Variants in OSBPL10 observed in about 807,000 individuals in gnomAD.
OSBPL10 encodes oxysterol-binding protein-related protein 10.
A neutral mutation model predicts 81.7 loss-of-function variants in OSBPL10; 49 were observed. That is an observed-to-expected ratio of 0.60 (90% CI 0.48 to 0.76). The LOEUF is 0.76. Ranked by LOEUF, OSBPL10 falls within the 30% of genes least tolerant of loss-of-function variation. The pLI is 0.00. For synonymous variants in OSBPL10, 419 were observed against 383.6 expected (o/e 1.09, Z -1.08); for missense variants, 923 against 987.8 (o/e 0.93, Z 0.88).
At chr3:32,039,289 G>A (rs543989894) in intron 2 of OSBPL10, among the ~76,000 whole-genome samples, 125 of 151,384 alleles carry the variant, frequency 8.3e-4, no homozygotes, top group African/African-American at 2.9e-3. Context: ...CCATGCCACT[G>A]CACTCCAGCC....
intron 4 of OSBPL10, among the ~76,000 whole-genome samples, chr3:31,819,393 T>G (rs1028797872): frequency 6.6e-6 from 1 of 152,222 alleles, no homozygotes; most frequent in Non-Finnish European, 1.5e-5. Flanking sequence ...AGTTGTGATA[T>G]TTCCACTTTA....
Position 31,662,063 on chromosome 3 carries a change from T to C in OSBPL10, c.*9A>G. ...GGGCTATACTGGAAAGCTCTGCACC[T>C]CCACCCCATCAGTGTGCTTTCCAGA... On this transcript the variant is annotated 3_prime_UTR_variant, in exon 12 of 12. Transcript: ENST00000396556. 1 of 1,613,728 alleles carries C rather than the reference T, an allele frequency of 6.2e-7. No homozygotes were observed. Among genetic ancestry groups the C allele is most frequent in the Non-Finnish European group, 8.5e-7 (1 of 1,179,850 alleles).
At chr3:31,858,306 T>G (rs1194946329) in intron 3 of OSBPL10, among the ~76,000 whole-genome samples, 1 of 152,136 alleles carries the variant, frequency 6.6e-6, no homozygotes, top group Non-Finnish European at 1.5e-5. Context: ...CAGCCCCCTA[T>G]GTTTTTTAAC....
chr3:31,810,382 A>G (rs1174287704), intron 4 of OSBPL10, among the ~76,000 whole-genome samples: 3 of 152,196 alleles, frequency 2.0e-5, no homozygotes, highest in Non-Finnish European at 4.4e-5. Flanking sequence ...CCATACCATT[A>G]CTTGAAAACA....
At chr3:31,673,444 T>A (rs1206115377) in intron 8 of OSBPL10, among the ~76,000 whole-genome samples, 1 of 152,172 alleles carries the variant, frequency 6.6e-6, no homozygotes, top group Non-Finnish European at 1.5e-5. Context: ...TCACCTCAAA[T>A]ATCCCTCTCT....
chr3:31,880,440 T>C (rs543121858), intron 1 of OSBPL10, among the ~76,000 whole-genome samples: 2 of 151,856 alleles, frequency 1.3e-5, no homozygotes, highest in South Asian at 4.1e-4. Flanking sequence ...TCTACATCCA[T>C]GGTAAAAGAA....
intron 11 of OSBPL10, 156 bp from the exon 12 acceptor site, chr3:31,662,272 G>A (rs1700088688): frequency 3.6e-6 from 5 of 1,407,238 alleles, no homozygotes; most frequent in Non-Finnish European, 4.6e-6. Flanking sequence ...CAGCCCAGCT[G>A]CTCTTTGGAG....
At chr3:32,036,045 C>T (rs1421753203) in intron 2 of OSBPL10, among the ~76,000 whole-genome samples, 1 of 152,100 alleles carries the variant, frequency 6.6e-6, no homozygotes, top group Non-Finnish European at 1.5e-5. Flanking sequence ...TATATTTTAT[C>T]ACAATTTAAA....
chr3:31,854,364 C>T (rs1452202578), intron 3 of OSBPL10, among the ~76,000 whole-genome samples: 3 of 152,128 alleles, frequency 2.0e-5, no homozygotes, highest in Admixed American at 1.3e-4. Flanking sequence ...GCCATTGGCC[C>T]ATAATGCCTC....
At chr3:31,860,510 G>C (rs1701031449) in intron 3 of OSBPL10, among the ~76,000 whole-genome samples, 1 of 152,108 alleles carries the variant, frequency 6.6e-6, no homozygotes, top group Admixed American at 6.6e-5. Context: ...GATAAGAGGG[G>C]ACTGAACGAC....
intron 4 of OSBPL10, among the ~76,000 whole-genome samples, chr3:31,770,653 G>A (rs1698354172): frequency 6.6e-6 from 1 of 152,162 alleles, no homozygotes; most frequent in African/African-American, 2.4e-5. Flanking sequence ...GGGCATGGAG[G>A]TGCATGCCTG....
At chr3:32,019,620 A>G (rs1245910960) in intron 2 of OSBPL10, among the ~76,000 whole-genome samples, 1 of 152,240 alleles carries the variant, frequency 6.6e-6, no homozygotes, top group Non-Finnish European at 1.5e-5. Context: ...TTCAACATCC[A>G]CAGACTAGTT....
chr3:31,900,208 T>C (rs1575606054), intron 1 of OSBPL10, among the ~76,000 whole-genome samples: 1 of 98,422 alleles, frequency 1.0e-5, no homozygotes, highest in Non-Finnish European at 2.5e-5. Flanking sequence ...GGGTTTTGTT[T>C]TTTTGTTTTT....
intron 4 of OSBPL10, among the ~76,000 whole-genome samples, chr3:31,763,684 A>C (rs1698124610): frequency 6.6e-6 from 1 of 152,230 alleles, no homozygotes; most frequent in Non-Finnish European, 1.5e-5. Flanking sequence ...AGCAGGCAAG[A>C]ACATGACTAC....
At chr3:31,752,799 C>G (rs1384417810) in intron 4 of OSBPL10, among the ~76,000 whole-genome samples, 1 of 152,184 alleles carries the variant, frequency 6.6e-6, no homozygotes, top group African/African-American at 2.4e-5. Flanking sequence ...TTCAGAGGCA[C>G]CTGCAAAGTC....
chr3:31,861,891 G>A (rs553983977), intron 3 of OSBPL10, among the ~76,000 whole-genome samples: 4 of 152,246 alleles, frequency 2.6e-5, no homozygotes, highest in African/African-American at 9.6e-5. Flanking sequence ...CTTGAGAGGG[G>A]CAGCTGGAAG....
At chr3:31,804,240 T>G (rs1328998452) in intron 4 of OSBPL10, among the ~76,000 whole-genome samples, 2 of 152,192 alleles carry the variant, frequency 1.3e-5, no homozygotes, top group African/African-American at 4.8e-5. Context: ...ACGAATCATG[T>G]ATATTTATGT....
chr3:32,027,361 A>T (rs1699426740), intron 2 of OSBPL10, among the ~76,000 whole-genome samples: 1 of 152,232 alleles, frequency 6.6e-6, no homozygotes, highest in South Asian at 2.1e-4. Context: ...GGGTCAGAAG[A>T]TGCAGATCAA....
chr3:31,812,761 A>AGAAAGAAAGAAG, intron 4 of OSBPL10, among the ~76,000 whole-genome samples: 1 of 45,342 alleles, frequency 2.2e-5, no homozygotes, highest in Non-Finnish European at 3.9e-5. Context: ...AAAGAAAGAA[A>AGAAAGAAAGAAG]GAAAGAAAGA....
Sources: gnomAD v4.1 joint callset for allele counts (sites outside exome capture counted in the v4.1 genomes callset) on GRCh38, gnomAD v4.1.1 for gene constraint, MANE v1.5 for transcripts, NCBI Gene and HGNC (gene_info 2026-07-23, HGNC 2026-07-21) for gene names.